The following GPC3 variants were observed in gnomAD, a reference collection of about 807,000 sequenced individuals.
GPC3 encodes the protein glypican 3.
In GPC3, 3 loss-of-function variants were observed where a neutral mutation model predicts 34.4. The ratio of observed to expected loss-of-function variants is 0.09; its 90% confidence interval spans 0.04 to 0.23. The LOEUF is 0.23. Ranked by LOEUF, GPC3 falls within the 10% of genes least tolerant of loss-of-function variation. The pLI is 1.00. For missense variants in GPC3, 351 were observed against 445.6 expected, an observed-to-expected ratio of 0.79 and a Z score of 1.91; for synonymous variants, 177 against 174.0, an observed-to-expected ratio of 1.02 and a Z score of -0.13.
chrX:133,889,899 A>C (rs1046299437), intron 2 of GPC3, among the ~76,000 whole-genome samples: 6 of 98,724 alleles, frequency 6.1e-5, no homozygotes, highest in Non-Finnish European at 1.2e-4. Flanking sequence ...ACAATGGCAC[A>C]ATCTCAACTC....
chrX:133,673,037 G>A lies in GPC3; in HGVS notation c.1293-11187C>T, dbSNP rs761206590. On this transcript the variant is annotated intron_variant, in intron 5 of 7. Coordinates refer to ENST00000370818, the MANE Select transcript of GPC3 (RefSeq NM_004484.4). ...GCTCCCTGCAACCTCTGCCTCCTGG[G>A]TTCAAGCAATTCTCTGCCTCAGCCT... Among the ~76,000 whole-genome samples the A allele has an allele frequency of 1.8e-4, 19 of 106,009 alleles. No homozygotes were observed. In the East Asian group the frequency reaches 5.7e-3, roughly 32 times the overall value. 92.1% of individuals were successfully genotyped at this position (106,009 alleles called of 115,157 possible).
intron 1 of GPC3, among the ~76,000 whole-genome samples, chrX:133,961,111 G>A (rs1003669062): frequency 2.1e-4 from 24 of 111,754 alleles, no homozygotes; most frequent in Non-Finnish European, 3.9e-4. Context: ...ATTAAAAACC[G>A]GTGGGGAAAG....
Position 133,704,463 on chromosome X carries a change from A to G in GPC3, c.1033-4435T>C, listed in dbSNP as rs896652305. Among the ~76,000 whole-genome samples the G allele has an allele frequency of 2.8e-5, 3 of 107,093 alleles. No individual in the cohort carries two copies. In the East Asian group the frequency reaches 8.7e-4, roughly 31 times the overall value. The allele number at this position is 107,093 out of a possible 115,157, so 93.0% of individuals were successfully genotyped here. On this transcript the variant is annotated intron_variant, in intron 3 of 7. Transcript: ENST00000370818. ...GAGATCCTTTAGAAAGGAAGACCCA[A>G]AGAAATGAGGAAAGCTGTGGATTTT...
intron 2 of GPC3, among the ~76,000 whole-genome samples, chrX:133,830,002 T>C (rs934407218): frequency 8.9e-6 from 1 of 112,157 alleles, no homozygotes; most frequent in Non-Finnish European, 1.9e-5. Flanking sequence ...TGCAAGATAA[T>C]TTGCATATAC....
chrX:133,952,066 A>C (rs1294426915), intron 2 of GPC3, among the ~76,000 whole-genome samples: 2 of 110,614 alleles, frequency 1.8e-5, no homozygotes, highest in Non-Finnish European at 1.9e-5. Flanking sequence ...AAAGACTGAT[A>C]ATTAATTAAT....
At chrX:133,640,481 G>A (rs891503445) in intron 6 of GPC3, among the ~76,000 whole-genome samples, 3 of 112,177 alleles carry the variant, frequency 2.7e-5, no homozygotes, top group Non-Finnish European at 5.6e-5. Context: ...CAACAAGAAA[G>A]GGAAATACCA....
chrX:133,564,153 A>G (rs1250931179), intron 7 of GPC3, among the ~76,000 whole-genome samples: 1 of 111,607 alleles, frequency 9.0e-6, no homozygotes, highest in Non-Finnish European at 1.9e-5. Flanking sequence ...CAGAAGTGAT[A>G]TGGATCTGTA....
intron 2 of GPC3, among the ~76,000 whole-genome samples, chrX:133,805,420 AAT>A (rs1434453080): frequency 1.8e-5 from 2 of 111,921 alleles, no homozygotes; most frequent in African/African-American, 6.5e-5. Flanking sequence ...GGGACAGTGG[AAT>A]ATGAGGTCAA....
In GPC3 at chrX:133,859,656, C is replaced by T. The variant is rs1207766395; in HGVS notation, c.337+93394G>A. The stretch of plus-strand genomic sequence containing the variant: ...TTTGAGAGACATTTACAGATACTCT[C>T]CGCATTCATCACACAAATCTATGTC... On this transcript the variant is annotated intron_variant, in intron 2 of 7. Transcript: ENST00000370818. 1.4e-4 allele frequency among the ~76,000 whole-genome samples: 16 copies of T among 112,171 alleles called. No individual in the cohort carries two copies. The East Asian group carries it at 3.9e-3, about 28-fold the overall frequency.
chrX:133,639,125 T>C (rs921276579), intron 6 of GPC3, among the ~76,000 whole-genome samples: 1 of 112,053 alleles, frequency 8.9e-6, no homozygotes, highest in Admixed American at 9.5e-5. Flanking sequence ...TTCACACCTC[T>C]GTGCTTTGTC....
At chrX:133,611,974 C>G (rs1179888745) in intron 6 of GPC3, among the ~76,000 whole-genome samples, 1 of 112,355 alleles carries the variant, frequency 8.9e-6, no homozygotes, top group Admixed American at 9.4e-5. Context: ...ATGCACCACT[C>G]ACAACATCAG....
chrX:133,727,089 A>C (rs1017085349), intron 3 of GPC3, among the ~76,000 whole-genome samples: 2 of 112,031 alleles, frequency 1.8e-5, no homozygotes, highest in African/African-American at 6.5e-5. Flanking sequence ...GGGAAATAAG[A>C]AGTTCCACTT....
At chrX:133,762,356 A>G (rs956921734) in intron 2 of GPC3, among the ~76,000 whole-genome samples, 10 of 112,204 alleles carry the variant, frequency 8.9e-5, no homozygotes, top group African/African-American at 3.2e-4. Context: ...AAAAACAAAA[A>G]TTGACAAGTG....
At chrX:133,603,836 T>C (rs1392510835) in intron 6 of GPC3, among the ~76,000 whole-genome samples, 3 of 112,088 alleles carry the variant, frequency 2.7e-5, no homozygotes, top group Non-Finnish European at 5.6e-5. Flanking sequence ...TATGGCAGCA[T>C]GGGACAATGA....
intron 3 of GPC3, among the ~76,000 whole-genome samples, chrX:133,732,565 G>A (rs1046429704): frequency 9.0e-6 from 1 of 111,642 alleles, no homozygotes; most frequent in African/African-American, 3.3e-5. Flanking sequence ...CTCAAGTGCT[G>A]AGAAACCTTT....
At chrX:133,708,711 C>T (rs146176437) in intron 3 of GPC3, among the ~76,000 whole-genome samples, 1,213 of 111,853 alleles carry the variant, frequency 0.011, 8 homozygotes, top group Non-Finnish European at 0.016. Flanking sequence ...TGTTGATTTC[C>T]CTTTCACTGA....
intron 3 of GPC3, among the ~76,000 whole-genome samples, chrX:133,743,304 T>C (rs772685341): frequency 2.7e-5 from 3 of 112,794 alleles, no homozygotes; most frequent in Non-Finnish European, 5.6e-5. Context: ...AGTATTAAAA[T>C]TGCCACCTCC....
At position 133,865,262 on chromosome X, in the gene GPC3, G is replaced by A. The variant is rs931218669; in HGVS notation, c.337+87788C>T. On this transcript the variant is annotated intron_variant, in intron 2 of 7. Transcript: ENST00000370818. ...TAACTAATTACATTGTGTGATTTTG[G>A]TACTGGGAAGCAACAAGAGTCCTTT... 3.6e-5 allele frequency among the ~76,000 whole-genome samples: 4 copies of A among 112,257 alleles called. No individual in the cohort carries two copies. In the East Asian group the frequency reaches 8.3e-4, roughly 23 times the overall value.
chrX:133,676,627 T>C (rs1366797491), intron 5 of GPC3, among the ~76,000 whole-genome samples: 1 of 112,414 alleles, frequency 8.9e-6, no homozygotes, highest in Non-Finnish European at 1.9e-5. Flanking sequence ...AAGTGGCCTA[T>C]TGTGTGAGGC....
Sources: gnomAD v4.1 joint callset for allele counts (sites outside exome capture counted in the v4.1 genomes callset) on GRCh38, gnomAD v4.1.1 for gene constraint, MANE v1.5 for transcripts, NCBI Gene and HGNC (gene_info 2026-07-23, HGNC 2026-07-21) for gene names.